The following AGMO variants were observed in gnomAD, a reference collection of about 807,000 sequenced individuals.
AGMO encodes alkylglycerol monooxygenase, also known as glyceryl-ether monooxygenase.
In AGMO, 75 loss-of-function variants were observed where a neutral mutation model predicts 60.2. That is an observed-to-expected ratio of 1.25 (90% CI 1.03 to 1.51). The LOEUF (loss-of-function observed/expected upper bound fraction) is 1.51, where lower values mean the gene tolerates loss of function less well. Ranked by LOEUF, AGMO falls within the 40% of genes most tolerant of loss-of-function variation. The pLI, the probability that AGMO is intolerant of heterozygous loss-of-function variation, is 0.00. For missense variants in AGMO, 763 were observed against 525.5 expected (o/e 1.45, Z -4.42); for synonymous variants, 261 against 177.1 (o/e 1.47, Z -3.76).
chr7:15,279,177 A>T (rs957378340), intron 12 of AGMO, among the ~76,000 whole-genome samples: 1 of 152,006 alleles, frequency 6.6e-6, no homozygotes, highest in Non-Finnish European at 1.5e-5. Context: ...CCCGTCTAGA[A>T]TTGTAAAGGT....
the AGMO span, among the ~76,000 whole-genome samples, chr7:15,152,545 C>G: frequency 6.6e-6 from 1 of 152,064 alleles, no homozygotes; most frequent in African/African-American, 2.4e-5. Context: ...ATTAGTATGT[C>G]TTTTCATCCT....
At chr7:15,531,346 T>A (rs1457318185) in intron 3 of AGMO, among the ~76,000 whole-genome samples, 1 of 93,716 alleles carries the variant, frequency 1.1e-5, no homozygotes, top group African/African-American at 4.8e-5. Context: ...CTATATATAT[T>A]CTATATATAT....
intron 3 of AGMO, among the ~76,000 whole-genome samples, chr7:15,460,776 A>G (rs1481287083): frequency 6.6e-6 from 1 of 152,198 alleles, no homozygotes; most frequent in Non-Finnish European, 1.5e-5. Flanking sequence ...TGGAAGAAAA[A>G]TAAAATGTAT....
chr7:15,476,858 A>T (rs77017045), intron 3 of AGMO, among the ~76,000 whole-genome samples: 20 of 152,232 alleles, frequency 1.3e-4, no homozygotes, highest in African/African-American at 4.8e-4. Flanking sequence ...TTATTATTTT[A>T]TGGATGAGGA....
chr7:15,145,795 C>T, the AGMO span, among the ~76,000 whole-genome samples: 59,400 of 151,896 alleles, frequency 0.39, 12,890 homozygotes, highest in East Asian at 0.71. Flanking sequence ...TACACAATTA[C>T]GCCATACAAA....
intron 12 of AGMO, among the ~76,000 whole-genome samples, chr7:15,219,922 CAT>C (rs915698026): frequency 4.6e-5 from 7 of 152,252 alleles, no homozygotes; most frequent in African/African-American, 1.7e-4. Context: ...TGGCTTATTA[CAT>C]GTTTCCTGCA....
intron 9 of AGMO, among the ~76,000 whole-genome samples, 177 bp from the exon 10 acceptor site, chr7:15,385,739 C>A (rs1459033841): frequency 6.6e-6 from 1 of 152,110 alleles, no homozygotes; most frequent in African/African-American, 2.4e-5. Flanking sequence ...GAAAGCATTA[C>A]AATTATGACG....
chr7:15,381,968 A>AT (rs1783711446), intron 10 of AGMO, among the ~76,000 whole-genome samples: 1 of 152,090 alleles, frequency 6.6e-6, no homozygotes, highest in African/African-American at 2.4e-5. Flanking sequence ...GGGAGCGCTA[A>AT]ATGATGAGAA....
chr7:15,357,403 G>A (rs1363685849), intron 12 of AGMO, among the ~76,000 whole-genome samples: 2 of 151,868 alleles, frequency 1.3e-5, no homozygotes, highest in East Asian at 1.9e-4. Flanking sequence ...CCACCACCGT[G>A]AGATGAACCC....
At chr7:15,317,797 G>A (rs1246936545) in intron 12 of AGMO, among the ~76,000 whole-genome samples, 1 of 150,682 alleles carries the variant, frequency 6.6e-6, no homozygotes, top group East Asian at 2.0e-4. Flanking sequence ...TGGCACCATT[G>A]CATAAATTCC....
At chr7:15,368,801 G>C (rs1783087731) in intron 10 of AGMO, among the ~76,000 whole-genome samples, 1 of 152,052 alleles carries the variant, frequency 6.6e-6, no homozygotes, top group South Asian at 2.1e-4. Context: ...ATTTACTTTG[G>C]TTAGGAAATC....
At chr7:15,136,187 T>C in the AGMO span, among the ~76,000 whole-genome samples, 3 of 152,022 alleles carry the variant, frequency 2.0e-5, no homozygotes, top group Non-Finnish European at 4.4e-5. Flanking sequence ...GAGACAGGGT[T>C]TCTCCATGTT....
chr7:15,393,049 T>C (rs1784215465), intron 6 of AGMO, among the ~76,000 whole-genome samples: 1 of 152,204 alleles, frequency 6.6e-6, no homozygotes, highest in Admixed American at 6.5e-5. Context: ...CTACTGAACA[T>C]GGATCACATT....
At chr7:15,455,757 A>T (rs927382219) in intron 3 of AGMO, among the ~76,000 whole-genome samples, 7 of 152,114 alleles carry the variant, frequency 4.6e-5, no homozygotes, top group African/African-American at 1.4e-4. Flanking sequence ...GCTGCTCCTG[A>T]GAAATCTCAT....
chr7:15,277,709 T>C (rs1044848223), intron 12 of AGMO, among the ~76,000 whole-genome samples: 24 of 152,202 alleles, frequency 1.6e-4, no homozygotes, highest in Non-Finnish European at 3.5e-4. Flanking sequence ...TAATAGCCAA[T>C]TGCAGTAAAA....
At chr7:15,119,673 T>C in the AGMO span, among the ~76,000 whole-genome samples, 1 of 152,184 alleles carries the variant, frequency 6.6e-6, no homozygotes, top group East Asian at 1.9e-4. Context: ...TTGCTTTTAA[T>C]ACATGACCAG....
intron 12 of AGMO, among the ~76,000 whole-genome samples, chr7:15,330,014 TAGA>T (rs1437342452): frequency 1.3e-5 from 2 of 152,096 alleles, no homozygotes; most frequent in Non-Finnish European, 2.9e-5. Flanking sequence ...AACTAATTTA[TAGA>T]AGTTTAGGGC....
chr7:15,499,685 A>T (rs1225656806), intron 3 of AGMO, among the ~76,000 whole-genome samples: 1 of 151,824 alleles, frequency 6.6e-6, no homozygotes, highest in Non-Finnish European at 1.5e-5. Flanking sequence ...AATAAGGGAT[A>T]TATGCACGAG....
chr7:15,381,723 T>C (rs1307126591), intron 10 of AGMO, among the ~76,000 whole-genome samples: 1 of 152,132 alleles, frequency 6.6e-6, no homozygotes, highest in Non-Finnish European at 1.5e-5. Context: ...AATGCATACA[T>C]ATGTTCACTG....
Sources: gnomAD v4.1 joint callset for allele counts (sites outside exome capture counted in the v4.1 genomes callset) on GRCh38, gnomAD v4.1.1 for gene constraint, MANE v1.5 for transcripts, NCBI Gene and HGNC (gene_info 2026-07-23, HGNC 2026-07-21) for gene names.